Variants in MIB1 observed in about 807,000 individuals in gnomAD.
MIB1 encodes the protein MIB E3 ubiquitin protein ligase 1.
A neutral mutation model predicts 124.5 loss-of-function variants in MIB1; 278 were observed. That is an observed-to-expected ratio of 2.23 (90% CI 2.02 to 2.47). The LOEUF (loss-of-function observed/expected upper bound fraction) is 2.47. Among genes scored for constraint, MIB1 ranks in the 30% most tolerant of loss-of-function variants. The pLI, the probability that MIB1 is intolerant of heterozygous loss-of-function variation, is 0.00. For missense variants in MIB1, 957 were observed against 1,254.4 expected, an observed-to-expected ratio of 0.76 and a Z score of 3.58; for synonymous variants, 446 against 429.4, an observed-to-expected ratio of 1.04 and a Z score of -0.48.
chr18:21,812,573 A>G (rs1271381162), intron 10 of MIB1: 3 of 152,214 alleles, frequency 2.0e-5, no homozygotes. Context: ...GTGATTGCAC[A>G]TAGAGGGTCA....
At chr18:21,716,299 C>T (rs951526686) in intron 1 of MIB1, among the ~76,000 whole-genome samples, 2 of 152,128 alleles carry the variant, frequency 1.3e-5, no homozygotes, top group African/African-American at 4.8e-5. Flanking sequence ...CAGTCTTTTT[C>T]AGATAAACAA....
intron 3 of MIB1, among the ~76,000 whole-genome samples, chr18:21,770,453 C>T (rs765798102): frequency 7.9e-5 from 12 of 151,980 alleles, no homozygotes; most frequent in Non-Finnish European, 1.5e-4. Context: ...ATGTAACCCA[C>T]GTTAATTGTA....
intron 12 of MIB1, chr18:21,825,838 T>G: frequency 4.3e-6 from 2 of 463,008 alleles, no homozygotes. Context: ...TTGGTAAAAT[T>G]ACAGTCATGG....
chr18:21,811,089 T>C (rs914104915), intron 10 of MIB1, among the ~76,000 whole-genome samples: 5 of 152,136 alleles, frequency 3.3e-5, no homozygotes, highest in Non-Finnish European at 2.9e-5. Flanking sequence ...GCAAAGAATA[T>C]GTATGAATGA....
At chr18:21,739,420 C>T (rs2040816967), upstream of MIB1, among the ~76,000 whole-genome samples, 1 of 152,136 alleles carries the variant, frequency 6.6e-6, no homozygotes, top group South Asian at 2.1e-4. Flanking sequence ...AGAGGGAATC[C>T]TCCCTCCTTC....
intron 10 of MIB1, among the ~76,000 whole-genome samples, chr18:21,813,554 A>C (rs2041798080): frequency 6.9e-6 from 1 of 144,438 alleles, no homozygotes. Flanking sequence ...AGCTGGAAAT[A>C]TCAGTAAGGT....
At chr18:21,780,342 C>A (rs1412798207) in intron 6 of MIB1, among the ~76,000 whole-genome samples, 1 of 152,150 alleles carries the variant, frequency 6.6e-6, no homozygotes, top group East Asian at 1.9e-4. Flanking sequence ...TTCCCCGTAT[C>A]TAGCTGTAGT....
chr18:21,748,728 G>A (rs950752908), intron 1 of MIB1, among the ~76,000 whole-genome samples: 1 of 135,408 alleles, frequency 7.4e-6, no homozygotes, highest in African/African-American at 2.9e-5. Flanking sequence ...ATCATGCCCA[G>A]CCTTTTTTTT....
At chr18:21,863,732 G>A (rs1050946817) in intron 20 of MIB1, among the ~76,000 whole-genome samples, 4 of 152,218 alleles carry the variant, frequency 2.6e-5, no homozygotes, top group Non-Finnish European at 5.9e-5. Context: ...TGGGCTGGGC[G>A]TGGTGGCTCA....
chr18:21,768,021 T>G (rs2041183340), intron 2 of MIB1, among the ~76,000 whole-genome samples: 1 of 152,188 alleles, frequency 6.6e-6, no homozygotes, highest in South Asian at 2.1e-4. Context: ...AGACTGGACC[T>G]TTTAGACTGA....
intron 10 of MIB1, among the ~76,000 whole-genome samples, chr18:21,806,614 T>C (rs1301408093): frequency 1.3e-5 from 2 of 151,234 alleles, no homozygotes; most frequent in Non-Finnish European, 2.9e-5. Flanking sequence ...ATAAATAGTT[T>C]TTTGTTTTTT....
intron 6 of MIB1, among the ~76,000 whole-genome samples, chr18:21,789,238 C>G (rs1210957124): frequency 6.6e-6 from 1 of 151,672 alleles, no homozygotes; most frequent in African/African-American, 2.4e-5. Flanking sequence ...CTTGTAGATG[C>G]ATCACTCTAT....
intron 7 of MIB1, among the ~76,000 whole-genome samples, chr18:21,797,423 A>G (rs2041595693): frequency 6.6e-6 from 1 of 152,124 alleles, no homozygotes; most frequent in Non-Finnish European, 1.5e-5. Context: ...GAAAATGTCT[A>G]ATAGGCTGTT....
intron 5 of MIB1, among the ~76,000 whole-genome samples, chr18:21,778,771 G>GT (rs1012532447): frequency 1.6e-4 from 24 of 151,006 alleles, no homozygotes; most frequent in African/African-American, 4.1e-4. Flanking sequence ...AAAAAGTGCT[G>GT]TTTTTTTTGC....
At chr18:21,788,746 C>G (rs2041467797) in intron 6 of MIB1, among the ~76,000 whole-genome samples, 1 of 152,154 alleles carries the variant, frequency 6.6e-6, no homozygotes, top group East Asian at 1.9e-4. Context: ...GCTATTGTAG[C>G]TAATAAATGA....
In MIB1 at chr18:21,864,535, C is replaced by A; in HGVS notation, c.2890C>A (p.Pro964Thr). Reference protein sequence around the residue: ...LQDIKEQTMCPVCLDRLKNMI... With the variant: ...LQDIKEQTMCTVCLDRLKNMI... ...TTATCTCACATTACAGACAATGTGC[C>A]CTGTGTGTCTAGATCGTCTGAAGAA... Residue 964 changes from proline (P) to threonine (T), a missense_variant, in exon 21 of 21, where the codon CCT becomes ACT. By Grantham distance (38) the Pro-to-Thr change is conservative (BLOSUM62 -1). Transcript: ENST00000261537. The A allele has an allele frequency of 6.2e-7, 1 of 1,611,774 alleles. No individual in the cohort carries two copies. The highest frequency in any genetic ancestry group is 8.5e-7 in the Non-Finnish European group (1 of 1,178,216).
rs948633120 is a variant in MIB1 at position 21,765,852 on chromosome 18, A to G, written c.310A>G (p.Thr104Ala). 6.2e-7 allele frequency: 1 copy of G among 1,614,196 alleles called. No individual in the cohort carries two copies. The highest frequency in any genetic ancestry group is 8.5e-7 in the Non-Finnish European group (1 of 1,180,016). ...CATTCGATGGAAGTGTGCAGAGTGTACAAATTATGATTTGTGCACAGTGTG... is the reference window on the plus strand; with the variant it reads ...CATTCGATGGAAGTGTGCAGAGTGTGCAAATTATGATTTGTGCACAGTGTG... ...IGIRWKCAEC[T>A]NYDLCTVCYH... The change falls in exon 2 of 21, where the codon ACA becomes GCA. Residue 104 changes from threonine (T) to alanine (A), a missense_variant. Thr to Ala is a moderately conservative substitution (Grantham distance 58, BLOSUM62 0). Transcript: ENST00000261537.
chr18:21,766,092 A>C lies in MIB1; in HGVS notation c.401+149A>C. ...CCAATAGTAGGATAGAAGTGGACCAAATCTGCCATATAACAAGAGAAGAGC... is the reference window on the plus strand; with the variant it reads ...CCAATAGTAGGATAGAAGTGGACCACATCTGCCATATAACAAGAGAAGAGC... On this transcript the variant is annotated intron_variant, in intron 2 of 20. Transcript: ENST00000261537. The C allele has an allele frequency of 7.2e-6, 5 of 692,676 alleles. No individual in the cohort carries two copies. In the East Asian group the frequency reaches 1.3e-4, roughly 19 times the overall value. The allele number at this position is 692,676 out of a possible 1,614,324, so 42.9% of individuals were successfully genotyped here. A position where few individuals can be genotyped will look rare whatever the true frequency, so the allele number is the denominator to read the frequency against.
At chr18:21,817,753 TG>T in intron 11 of MIB1, 1 of 405,844 alleles carries the variant, frequency 2.5e-6, no homozygotes, top group Non-Finnish European at 4.9e-6. Context: ...GTCTGGTGTT[TG>T]CACTTTCATA....
Sources: gnomAD v4.1 joint callset for allele counts (sites outside exome capture counted in the v4.1 genomes callset) on GRCh38, gnomAD v4.1.1 for gene constraint, MANE v1.5 for transcripts, NCBI Gene and HGNC (gene_info 2026-07-23, HGNC 2026-07-21) for gene names.